Variants in ADAMTSL1 observed in about 807,000 individuals in gnomAD.
ADAMTSL1 encodes the protein ADAMTS-like protein 1.
ADAMTSL1 carries 126 observed loss-of-function variants against 201.8 expected under a neutral mutation model. The observed-to-expected ratio is 0.62, with a 90% CI of 0.54 to 0.72. ADAMTSL1 has a LOEUF of 0.72. ADAMTSL1 is among the 30% of genes least tolerant of loss of function. ADAMTSL1 has a pLI of 0.00. For missense variants in ADAMTSL1, 2,679 were observed against 2,277.8 expected (o/e 1.18, Z -3.59); for synonymous variants, 1,121 against 903.4 (o/e 1.24, Z -4.32).
intron 18 of ADAMTSL1, among the ~76,000 whole-genome samples, chr9:18,776,427 TTCCCCCGGGA>T (rs966616918): frequency 6.6e-6 from 1 of 152,166 alleles, no homozygotes; most frequent in Non-Finnish European, 1.5e-5. Flanking sequence ...AGGAAATGCT[TTCCCCCGGGA>T]TCCCCCTCCA....
At chr9:18,050,532 T>A (rs1821885602) in intron 1 of ADAMTSL1, among the ~76,000 whole-genome samples, 1 of 152,242 alleles carries the variant, frequency 6.6e-6, no homozygotes, top group Non-Finnish European at 1.5e-5. Context: ...AGTATCTCCT[T>A]ATTTCATCAA....
intron 1 of ADAMTSL1, among the ~76,000 whole-genome samples, chr9:18,018,796 G>C (rs1002494832): frequency 6.6e-6 from 1 of 152,008 alleles, no homozygotes; most frequent in Admixed American, 6.6e-5. Flanking sequence ...TAAAAACCAA[G>C]ATAATGTTTG....
chr9:17,913,303 T>C (rs998989984), intron 1 of ADAMTSL1, among the ~76,000 whole-genome samples: 24 of 152,308 alleles, frequency 1.6e-4, no homozygotes, highest in African/African-American at 5.8e-4. Flanking sequence ...GCCATTTTCA[T>C]GATATTGATT....
chr9:18,683,474 C>T (rs578221031), intron 12 of ADAMTSL1, among the ~76,000 whole-genome samples: 1 of 151,902 alleles, frequency 6.6e-6, no homozygotes, highest in East Asian at 1.9e-4. Flanking sequence ...CTCAGGTAAT[C>T]GCCTCGGCCT....
intron 1 of ADAMTSL1, among the ~76,000 whole-genome samples, chr9:18,018,562 T>C (rs1820352823): frequency 6.6e-6 from 1 of 152,054 alleles, no homozygotes; most frequent in South Asian, 2.1e-4. Flanking sequence ...GATTGATCAC[T>C]ATGGGAGAAG....
intron 1 of ADAMTSL1, among the ~76,000 whole-genome samples, chr9:17,991,545 T>C (rs1018238341): frequency 6.6e-6 from 1 of 151,868 alleles, no homozygotes; most frequent in Non-Finnish European, 1.5e-5. Context: ...TTCTAAGGGG[T>C]GAATGGTTTT....
chr9:18,390,295 A>G (rs889981126), intron 2 of ADAMTSL1, among the ~76,000 whole-genome samples: 1 of 152,190 alleles, frequency 6.6e-6, no homozygotes, highest in African/African-American at 2.4e-5. Flanking sequence ...CCTCCAGGTA[A>G]TCATGACACA....
chr9:18,210,057 T>C (rs186278385), intron 2 of ADAMTSL1, among the ~76,000 whole-genome samples: 30 of 152,248 alleles, frequency 2.0e-4, no homozygotes, highest in African/African-American at 6.7e-4. Flanking sequence ...CATGTTTACC[T>C]TATAAAATGA....
intron 2 of ADAMTSL1, among the ~76,000 whole-genome samples, chr9:18,229,154 T>A (rs369773566): frequency 1.8e-4 from 27 of 152,140 alleles, no homozygotes; most frequent in African/African-American, 5.8e-4. Flanking sequence ...AGTATTATTT[T>A]AGGAGGAGGT....
intron 2 of ADAMTSL1, among the ~76,000 whole-genome samples, chr9:18,270,626 T>C (rs1832320147): frequency 6.6e-6 from 1 of 152,190 alleles, no homozygotes; most frequent in African/African-American, 2.4e-5. Flanking sequence ...GAAACTTTTA[T>C]CCAGAAAGGC....
At chr9:18,560,985 T>G in intron 3 of ADAMTSL1, among the ~76,000 whole-genome samples, 1 of 151,862 alleles carries the variant, frequency 6.6e-6, no homozygotes, top group Admixed American at 6.6e-5. Context: ...TTTTGAAGGG[T>G]TTTTTATGTC....
chr9:18,633,179 T>G (rs541715094), intron 5 of ADAMTSL1, among the ~76,000 whole-genome samples: 1 of 152,336 alleles, frequency 6.6e-6, no homozygotes, highest in South Asian at 2.1e-4. Context: ...TGCACTTTAT[T>G]TGAACTGTGG....
chr9:18,877,035 G>T (rs575867093), intron 23 of ADAMTSL1, among the ~76,000 whole-genome samples: 3 of 152,030 alleles, frequency 2.0e-5, no homozygotes, highest in African/African-American at 2.4e-5. Flanking sequence ...GTTTTATTCT[G>T]TTGAGACTTT....
At chr9:18,655,705 T>G (rs1828596661) in intron 7 of ADAMTSL1, among the ~76,000 whole-genome samples, 1 of 151,622 alleles carries the variant, frequency 6.6e-6, no homozygotes, top group South Asian at 2.1e-4. Flanking sequence ...CTCTGGTCTT[T>G]TATTTTTTCA....
chr9:18,045,475 G>A (rs1017601970), intron 1 of ADAMTSL1, among the ~76,000 whole-genome samples: 6 of 152,110 alleles, frequency 3.9e-5, no homozygotes, highest in Admixed American at 3.9e-4. Flanking sequence ...TGTAGAGATG[G>A]TTTTGACTAA....
intron 3 of ADAMTSL1, 112 bp from the exon 4 acceptor site, chr9:18,573,918 C>G: frequency 2.6e-6 from 2 of 761,392 alleles, no homozygotes; most frequent in Non-Finnish European, 4.4e-6. Context: ...CTATCATGAC[C>G]AGGACATTTG....
chr9:17,966,606 A>T (rs1817989493), intron 1 of ADAMTSL1, among the ~76,000 whole-genome samples: 1 of 152,162 alleles, frequency 6.6e-6, no homozygotes, highest in Non-Finnish European at 1.5e-5. Context: ...CTTGCCCTTT[A>T]AAAACATGTC....
intron 1 of ADAMTSL1, among the ~76,000 whole-genome samples, chr9:18,055,922 T>C (rs1822160591): frequency 1.3e-5 from 2 of 152,218 alleles, no homozygotes; most frequent in Non-Finnish European, 2.9e-5. Flanking sequence ...GGTTTAGTTT[T>C]TAAAGAGTTT....
intron 5 of ADAMTSL1, among the ~76,000 whole-genome samples, chr9:18,633,837 G>A (rs1226375247): frequency 1.3e-5 from 2 of 151,950 alleles, no homozygotes. Flanking sequence ...GAAGGAATTG[G>A]GAGCATATGA....
Sources: allele counts gnomAD v4.1 joint callset (sites outside exome capture counted in the v4.1 genomes callset), GRCh38; gene constraint gnomAD v4.1.1; transcripts MANE v1.5; gene names NCBI Gene and HGNC (gene_info 2026-07-23, HGNC 2026-07-21).